The following SI variants were observed in gnomAD, a reference collection of about 807,000 sequenced individuals.
SI encodes sucrase-isomaltase.
A neutral mutation model predicts 253.3 loss-of-function variants in SI; 235 were observed. The ratio of observed to expected loss-of-function variants is 0.93; its 90% confidence interval spans 0.83 to 1.03. The LOEUF (loss-of-function observed/expected upper bound fraction) is 1.03. SI is among the 50% of genes least tolerant of loss of function. The pLI, the probability that SI is intolerant of heterozygous loss-of-function variation, is 0.00. For synonymous variants in SI, 819 were observed against 712.0 expected (o/e 1.15, Z -2.39); for missense variants, 2,442 against 2,211.1 (o/e 1.10, Z -2.09).
intron 1 of SI, among the ~76,000 whole-genome samples, chr3:165,076,590 G>T (rs1456116877): frequency 6.6e-6 from 1 of 151,594 alleles, no homozygotes; most frequent in African/African-American, 2.4e-5. Context: ...TGATAGAATA[G>T]TATATATTTG....
intron 35 of SI, among the ~76,000 whole-genome samples, chr3:165,008,768 A>G (rs1485686022): frequency 6.6e-6 from 1 of 152,004 alleles, no homozygotes; most frequent in Non-Finnish European, 1.5e-5. Context: ...TCCTCCGGAA[A>G]TTGAAATATA....
chr3:165,034,978 G>A (rs1712456468), intron 22 of SI, among the ~76,000 whole-genome samples: 1 of 151,966 alleles, frequency 6.6e-6, no homozygotes, highest in Non-Finnish European at 1.5e-5. Flanking sequence ...GAACTGATGA[G>A]AGGCTTCAGA....
At chr3:165,049,414 T>C (rs1413202559) in intron 14 of SI, among the ~76,000 whole-genome samples, 170 bp from the exon 15 acceptor site, 1 of 152,128 alleles carries the variant, frequency 6.6e-6, no homozygotes, top group Non-Finnish European at 1.5e-5. Flanking sequence ...TCCAATTAGG[T>C]CCTCATCTTT....
At chr3:165,047,120 GT>G (rs1249377382) in intron 15 of SI, 108 bp from the exon 16 acceptor site, 1 of 813,072 alleles carries the variant, frequency 1.2e-6, no homozygotes, top group African/African-American at 1.7e-5. Context: ...GTTTGGCTGT[GT>G]CCCCACCCAA....
chr3:165,087,022 C>T, the SI span, among the ~76,000 whole-genome samples: 1 of 152,116 alleles, frequency 6.6e-6, no homozygotes, highest in Non-Finnish European at 1.5e-5. Flanking sequence ...CCCACGTGCT[C>T]CCCTACAGAG....
upstream of SI, among the ~76,000 whole-genome samples, chr3:165,083,421 T>A (rs1171856709): frequency 6.6e-6 from 1 of 151,996 alleles, no homozygotes; most frequent in African/African-American, 2.4e-5. Context: ...CAGCTTTGAC[T>A]ATGTATTTCC....
At chr3:165,068,952 C>T in intron 4 of SI, 121 bp from the exon 5 acceptor site, 2 of 1,000,838 alleles carry the variant, frequency 2.0e-6, no homozygotes, top group South Asian at 2.8e-5. Flanking sequence ...TACAATCATG[C>T]AAAAATAAGG....
At chr3:165,042,815 A>G (rs765979503) in intron 17 of SI, among the ~76,000 whole-genome samples, 14 of 152,112 alleles carry the variant, frequency 9.2e-5, no homozygotes, top group Non-Finnish European at 1.6e-4. Flanking sequence ...GTTATGCGTT[A>G]GTCTCAACTA....
intron 37 of SI, 105 bp from the exon 38 acceptor site, chr3:164,998,778 A>AT: frequency 1.1e-6 from 1 of 945,466 alleles, no homozygotes; most frequent in Non-Finnish European, 1.7e-6. Flanking sequence ...TGTGGTGCTT[A>AT]TATTGTCATT....
chr3:164,987,128 G>A lies in SI; in HGVS notation c.5197+10C>T, dbSNP rs372197418. ...ATCAATTAAATTTATCTACTAAATC[G>A]AGCACTCACCTATACTCTCTCCATC... On this transcript the variant is annotated intron_variant, in intron 45 of 47. Coordinates refer to ENST00000264382, the MANE Select transcript of SI (RefSeq NM_001041.4). 100 of 1,595,288 alleles carry A rather than the reference G, an allele frequency of 6.3e-5. No individual in the cohort carries two copies. The highest frequency in any genetic ancestry group is 7.7e-5 in the Non-Finnish European group (89 of 1,163,368).
chr3:165,027,638 A>T (rs1007823498), intron 25 of SI, among the ~76,000 whole-genome samples: 1 of 151,588 alleles, frequency 6.6e-6, no homozygotes, highest in East Asian at 1.9e-4. Context: ...CATACTAGGG[A>T]TACGGGGATG....
chr3:164,983,063 G>GAA lies in SI; in HGVS notation c.5198-14_5198-13dup. 1 of 1,536,550 alleles carries GAA rather than the reference G, an allele frequency of 6.5e-7. No homozygotes were observed. Among genetic ancestry groups the GAA allele is most frequent in the South Asian group, 1.1e-5 (1 of 89,348 alleles). On this transcript the variant is annotated splice_polypyrimidine_tract_variant and intron_variant, in intron 45 of 47. Coordinates refer to ENST00000264382, the MANE Select transcript of SI (RefSeq NM_001041.4). ...TCTTTCATAGGTGTCTGTAGAGAGA[G>GAA]AAAAAAAATGTGATATATTGTTATT...
In SI at chr3:165,058,949, A is replaced by C. The variant is rs779945478; in HGVS notation, c.1398+14T>G. The C allele has an allele frequency of 6.2e-7, 1 of 1,607,770 alleles. No individual in the cohort carries two copies. Among genetic ancestry groups the C allele is most frequent in the Non-Finnish European group, 8.5e-7 (1 of 1,175,296 alleles). On this transcript the variant is annotated intron_variant, in intron 12 of 47. Coordinates refer to ENST00000264382, the MANE Select transcript of SI (RefSeq NM_001041.4). ...AATTTGAGCAACATAGTTTTAATAA[A>C]TATCATATTTTACCTCTCCAATAAT...
rs1712533848 is a variant in SI, at chr3:165,036,433, T to C, written c.2471A>G (p.Asn824Ser). Residue 824 changes from asparagine to serine, a missense_variant, in exon 22 of 48, where the codon AAC (asparagine) becomes AGC (serine). Coordinates refer to ENST00000264382, the MANE Select transcript of SI (RefSeq NM_001041.4). Reference sequence around the variant, plus strand: ...CCAGAAAAAGTCTCCTTTGGCTGTGTTGTTTTCACCTAATGCGACTATAAG... The same window carrying C: ...CCAGAAAAAGTCTCCTTTGGCTGTGCTGTTTTCACCTAATGCGACTATAAG... ...LGLIVALGENNTAKGDFFWDD... is the reference protein window; with the variant it reads ...LGLIVALGENSTAKGDFFWDD... 5 of 1,611,784 alleles carry C rather than the reference T, an allele frequency of 3.1e-6. No individual in the cohort carries two copies. The highest frequency in any genetic ancestry group is 2.2e-5 in the East Asian group (1 of 44,656).
rs773212493 is a variant in SI at position 165,060,043 on chromosome 3, C to G, written c.1021-16G>C. The G allele has an allele frequency of 1.2e-6, 2 of 1,607,222 alleles. No homozygotes were observed. Among genetic ancestry groups the G allele is most frequent in the Non-Finnish European group, 1.7e-6 (2 of 1,175,128 alleles). On this transcript the variant is annotated splice_polypyrimidine_tract_variant and intron_variant, in intron 9 of 47. Transcript: ENST00000264382. Reference sequence around the variant, plus strand: ...GTCCAACAAGCTTAAAGTAAATGAGCATGTAATTAGTTTGAATAGAAATAA... The same window carrying G: ...GTCCAACAAGCTTAAAGTAAATGAGGATGTAATTAGTTTGAATAGAAATAA...
chr3:164,998,632 G>T lies in SI; in HGVS notation c.4448C>A (p.Ser1483Tyr). Residue 1483 changes from serine (S) to tyrosine (Y), a missense_variant, in exon 38 of 48, where the codon TCT becomes TAT. By Grantham distance (144) the Ser-to-Tyr change is moderately radical. Transcript: ENST00000264382. ...TCCACTAGTAGGATACGTGGAACGA[G>T]AAATTACAATCCCTCTTTTTCCAGT... Reference protein sequence around the residue: ...KTTGKRGIVISRSTYPTSGRW... With the variant: ...KTTGKRGIVIYRSTYPTSGRW... 6.2e-7 allele frequency: 1 copy of T among 1,611,692 alleles called. No homozygotes were observed. Among genetic ancestry groups the T allele is most frequent in the Non-Finnish European group, 8.5e-7 (1 of 1,178,322 alleles).
intron 37 of SI, 38 bp downstream of exon 37, chr3:165,006,778 T>A: frequency 6.3e-7 from 1 of 1,575,418 alleles, no homozygotes; most frequent in Non-Finnish European, 8.7e-7. Flanking sequence ...AACCAAAGAA[T>A]AAAAGAGTCA....
intron 12 of SI, among the ~76,000 whole-genome samples, chr3:165,058,112 T>G (rs1398742602): frequency 6.6e-6 from 1 of 151,454 alleles, no homozygotes; most frequent in Non-Finnish European, 1.5e-5. Flanking sequence ...TGGAATAAAA[T>G]CAGAAATAAA....
rs751083701 is a variant in SI, at chr3:164,982,391, A to G, written c.5267T>C (p.Ile1756Thr). Reference protein sequence around the residue: ...NLNQTTLTSTILKRGYINKSE... With the variant: ...NLNQTTLTSTTLKRGYINKSE... The stretch of plus-strand genomic sequence containing the variant: ...TTTATTTATGTAACCTCTCTTCAAT[A>G]TAGTGCTTGTTAAGGTGGTCTATAA... The change falls in exon 47 of 48, where the codon ATA becomes ACA. Residue 1756 changes from isoleucine (I) to threonine (T), a missense_variant. By Grantham distance (89) the Ile-to-Thr change is moderately conservative. Coordinates refer to ENST00000264382, the MANE Select transcript of SI (RefSeq NM_001041.4). 7 of 1,611,438 alleles carry G rather than the reference A, an allele frequency of 4.3e-6. No individual in the cohort carries two copies. In the East Asian group the frequency reaches 1.1e-4, roughly 26 times the overall value.
Sources: gnomAD v4.1 joint callset for allele counts (sites outside exome capture counted in the v4.1 genomes callset) on GRCh38, gnomAD v4.1.1 for gene constraint, MANE v1.5 for transcripts, NCBI Gene and HGNC (gene_info 2026-07-23, HGNC 2026-07-21) for gene names.